CSMD1: variants seen among roughly 807,000 people sequenced by gnomAD.
CSMD1 encodes CUB and sushi domain-containing protein 1.
In CSMD1, 213 loss-of-function variants were observed where a neutral mutation model predicts 417.5. The ratio of observed to expected loss-of-function variants is 0.51; its 90% CI spans 0.46 to 0.57. The LOEUF (loss-of-function observed/expected upper bound fraction) is 0.57. CSMD1 is among the 20% of genes least tolerant of loss of function. The pLI is 0.00. For synonymous variants in CSMD1, 2,862 were observed against 1,736.8 expected (o/e 1.65, Z -16.11); for missense variants, 6,923 against 4,529.7 (o/e 1.53, Z -15.17).
intron 4 of CSMD1, among the ~76,000 whole-genome samples, chr8:4,021,750 C>A (rs988636925): frequency 3.3e-5 from 5 of 152,116 alleles, no homozygotes; most frequent in African/African-American, 4.8e-5. Flanking sequence ...CCCGTCCCCT[C>A]CCCAATAATC....
intron 2 of CSMD1, among the ~76,000 whole-genome samples, chr8:4,541,815 G>A (rs984377386): frequency 6.6e-6 from 1 of 152,000 alleles, no homozygotes; most frequent in Non-Finnish European, 1.5e-5. Context: ...ATAATAAGTG[G>A]AATTCTCAAT....
At chr8:3,707,160 C>G (rs1183857488) in intron 7 of CSMD1, among the ~76,000 whole-genome samples, 1 of 152,144 alleles carries the variant, frequency 6.6e-6, no homozygotes, top group African/African-American at 2.4e-5. Flanking sequence ...AAGCAATTGT[C>G]AGGAAATCCT....
chr8:3,564,810 A>T (rs12675134), intron 10 of CSMD1, among the ~76,000 whole-genome samples: 1 of 151,362 alleles, frequency 6.6e-6, no homozygotes, highest in Non-Finnish European at 1.5e-5. Flanking sequence ...AGAGGGAAGT[A>T]GTCACCAAAA....
At chr8:4,573,991 C>A (rs1425995889) in intron 2 of CSMD1, among the ~76,000 whole-genome samples, 1 of 152,156 alleles carries the variant, frequency 6.6e-6, no homozygotes, top group Admixed American at 6.5e-5. Flanking sequence ...CTCAAGTCTC[C>A]CAGCTCGACT....
intron 3 of CSMD1, among the ~76,000 whole-genome samples, chr8:4,067,294 C>T (rs544313461): frequency 1.3e-5 from 2 of 152,212 alleles, no homozygotes; most frequent in African/African-American, 4.8e-5. Flanking sequence ...TTTTTCAAAT[C>T]TCCGCCATAC....
At chr8:4,368,835 T>C (rs1006565187) in intron 3 of CSMD1, among the ~76,000 whole-genome samples, 8 of 152,278 alleles carry the variant, frequency 5.3e-5, no homozygotes, top group African/African-American at 1.2e-4. Flanking sequence ...TAAGTGTCTT[T>C]ATTTGGGTCT....
intron 7 of CSMD1, among the ~76,000 whole-genome samples, chr8:3,655,639 G>A (rs1468999778): frequency 6.9e-6 from 1 of 145,272 alleles, no homozygotes; most frequent in Non-Finnish European, 1.5e-5. Flanking sequence ...GAGCCTACAA[G>A]ATGACTCAAT....
chr8:2,986,391 T>C (rs2128943878), intron 54 of CSMD1, among the ~76,000 whole-genome samples: 1 of 152,296 alleles, frequency 6.6e-6, no homozygotes, highest in South Asian at 2.1e-4. Flanking sequence ...CAGCTAGGAC[T>C]AGGTGGTGTG....
intron 39 of CSMD1, among the ~76,000 whole-genome samples, chr8:3,156,020 G>C (rs1042190058): frequency 1.3e-5 from 2 of 152,356 alleles, no homozygotes; most frequent in Middle Eastern, 3.4e-3. Flanking sequence ...GCTGTCAGAA[G>C]AATGTGTAAC....
At chr8:3,777,316 C>G (rs1798946890) in intron 5 of CSMD1, among the ~76,000 whole-genome samples, 2 of 152,078 alleles carry the variant, frequency 1.3e-5, no homozygotes, top group African/African-American at 2.4e-5. Context: ...GGACAAATGA[C>G]TGATAATCCT....
At chr8:4,467,976 A>G (rs1459324885) in intron 2 of CSMD1, among the ~76,000 whole-genome samples, 1 of 152,216 alleles carries the variant, frequency 6.6e-6, no homozygotes, top group Non-Finnish European at 1.5e-5. Context: ...AGGCTTGACT[A>G]AGGACCCTGT....
intron 3 of CSMD1, among the ~76,000 whole-genome samples, chr8:4,033,036 G>C (rs976403767): frequency 9.0e-5 from 13 of 145,050 alleles, no homozygotes; most frequent in South Asian, 6.6e-4. Flanking sequence ...AAAAACATTG[G>C]TCTCTTCAAT....
At chr8:3,537,911 G>C (rs1284768753) in intron 10 of CSMD1, among the ~76,000 whole-genome samples, 2 of 152,094 alleles carry the variant, frequency 1.3e-5, no homozygotes, top group Non-Finnish European at 1.5e-5. Flanking sequence ...TACTTCTCTT[G>C]GATAGAGAAT....
At position 4,030,815 on chromosome 8, in the gene CSMD1, G is replaced by A. The variant is rs530358603; in HGVS notation, c.610+1090C>T. Among the ~76,000 whole-genome samples, 6 of 152,190 alleles carry A rather than the reference G, an allele frequency of 3.9e-5. No individual in the cohort carries two copies. In the East Asian group the frequency reaches 9.7e-4, roughly 25 times the overall value. Reference sequence around the variant, plus strand: ...GCCTTATAAAACTGAAAGCTTTACAGCACCCAAGACACCTCTTGAATGCTT... The same window carrying A: ...GCCTTATAAAACTGAAAGCTTTACAACACCCAAGACACCTCTTGAATGCTT... On this transcript the variant is annotated intron_variant, in intron 4 of 69. Coordinates refer to ENST00000635120, the MANE Select transcript of CSMD1 (RefSeq NM_033225.6).
chr8:3,838,794 G>A (rs1300228384), intron 5 of CSMD1, among the ~76,000 whole-genome samples: 1 of 105,152 alleles, frequency 9.5e-6, no homozygotes. Context: ...ATATTATATA[G>A]TATAATATAT....
intron 6 of CSMD1, among the ~76,000 whole-genome samples, chr8:3,720,620 T>TTCTCACACACAGAC (rs72331833): frequency 7.0e-6 from 1 of 143,322 alleles, no homozygotes; most frequent in South Asian, 2.3e-4. Flanking sequence ...TCTTTATTCT[T>TTCTCACACACAGAC]ACACACACAC....
intron 26 of CSMD1, among the ~76,000 whole-genome samples, chr8:3,251,009 A>G (rs1465495101): frequency 6.6e-6 from 1 of 152,032 alleles, no homozygotes; most frequent in African/African-American, 2.4e-5. Flanking sequence ...CCCATTTTGT[A>G]GGTTGCCTGT....
intron 5 of CSMD1, among the ~76,000 whole-genome samples, chr8:3,941,705 A>G (rs1183978285): frequency 6.6e-6 from 1 of 152,140 alleles, no homozygotes; most frequent in African/African-American, 2.4e-5. Context: ...TTTTTCCCAG[A>G]TGTTATTTAT....
At chr8:4,788,416 C>G (rs1210927020) in intron 1 of CSMD1, 1 of 1,341,288 alleles carries the variant, frequency 7.5e-7, no homozygotes. Flanking sequence ...CTTTGACTAC[C>G]CAGGGTCTTG....
Sources: gnomAD v4.1 joint callset for allele counts (sites outside exome capture counted in the v4.1 genomes callset) on GRCh38, gnomAD v4.1.1 for gene constraint, MANE v1.5 for transcripts, NCBI Gene and HGNC (gene_info 2026-07-23, HGNC 2026-07-21) for gene names.